The following EXOC2 variants were observed in gnomAD, a reference collection of about 807,000 sequenced individuals.
The protein encoded by EXOC2 is exocyst complex component 2.
EXOC2 carries 70 observed loss-of-function variants against 131.8 expected under a neutral mutation model. The ratio of observed to expected loss-of-function variants is 0.53; its 90% CI spans 0.44 to 0.65. The LOEUF (loss-of-function observed/expected upper bound fraction) is 0.65, where lower values mean the gene tolerates loss of function less well. EXOC2 is among the 30% of genes least tolerant of loss of function. The pLI is 0.00. For missense variants in EXOC2, 923 were observed against 1,108.6 expected, an observed-to-expected ratio of 0.83 and a Z score of 2.38; for synonymous variants, 411 against 398.4, an observed-to-expected ratio of 1.03 and a Z score of -0.38.
intron 3 of EXOC2, among the ~76,000 whole-genome samples, chr6:631,955 AC>A (rs1328516867): frequency 1.3e-5 from 2 of 152,218 alleles, no homozygotes; most frequent in Non-Finnish European, 2.9e-5. Context: ...GATTAAAAAA[AC>A]AATTTGCAAA....
chr6:663,652 T>C (rs1266968704), intron 1 of EXOC2, among the ~76,000 whole-genome samples: 2 of 152,172 alleles, frequency 1.3e-5, no homozygotes, highest in Non-Finnish European at 2.9e-5. Context: ...TCAATAAATA[T>C]GATACACCAC....
rs768077405 is a variant in EXOC2 at position 598,011 on chromosome 6, G to A, written c.1073+10C>T. 2 of 1,598,982 alleles carry A rather than the reference G, an allele frequency of 1.3e-6. No homozygotes were observed. Among genetic ancestry groups the A allele is most frequent in the East Asian group, 4.5e-5 (2 of 44,762 alleles). On this transcript the variant is annotated intron_variant, in intron 10 of 27. Coordinates refer to ENST00000230449, the MANE Select transcript of EXOC2 (RefSeq NM_018303.6). ...CATGTGATTCAACAAAATGTTTGCA[G>A]AAGATTTACCTTATGTAACGTTTTT... is the stretch of plus-strand genomic sequence containing the variant.
chr6:668,836 T>C (rs1004779846), intron 1 of EXOC2, among the ~76,000 whole-genome samples: 4 of 152,258 alleles, frequency 2.6e-5, no homozygotes, highest in African/African-American at 9.6e-5. Context: ...TTACTTATAA[T>C]ACATAATACA....
intron 1 of EXOC2, among the ~76,000 whole-genome samples, chr6:665,649 G>A (rs1763611372): frequency 6.6e-6 from 1 of 152,148 alleles, no homozygotes; most frequent in African/African-American, 2.4e-5. Flanking sequence ...TGAGATTGGA[G>A]ACTATTATTC....
At chr6:583,570 T>A (rs1205530737) in intron 11 of EXOC2, among the ~76,000 whole-genome samples, 1 of 152,238 alleles carries the variant, frequency 6.6e-6, no homozygotes, top group East Asian at 1.9e-4. Flanking sequence ...GATCTACAAA[T>A]GAGTGCTATG....
chr6:575,456 A>ACTCCCTCTCCATCCTCTCCCTTG (rs1758524465), intron 12 of EXOC2, among the ~76,000 whole-genome samples: 7 of 97,688 alleles, frequency 7.2e-5, no homozygotes, highest in Admixed American at 1.2e-4. Flanking sequence ...CCTCTCCCTC[A>ACTCCCTCTCCATCCTCTCCCTTG]CTCCCTCTCC....
intron 7 of EXOC2, among the ~76,000 whole-genome samples, chr6:606,709 T>C (rs1760437019): frequency 6.6e-6 from 1 of 152,244 alleles, no homozygotes; most frequent in Non-Finnish European, 1.5e-5. Context: ...ATCTCATGCT[T>C]TTCTTCACAT....
In EXOC2 at chr6:488,959, G is replaced by C; in HGVS notation, c.2681+20C>G. The C allele has an allele frequency of 6.2e-7, 1 of 1,612,564 alleles. No homozygotes were observed. The highest frequency in any genetic ancestry group is 8.5e-7 in the Non-Finnish European group (1 of 1,179,076). ...TTGAGCACATTCAACTGGCTCCTAAGAACAGCACACAGGACTTACTTTTTA... is the reference window on the plus strand; with the variant it reads ...TTGAGCACATTCAACTGGCTCCTAACAACAGCACACAGGACTTACTTTTTA... On this transcript the variant is annotated intron_variant, in intron 27 of 27. Coordinates refer to ENST00000230449, the MANE Select transcript of EXOC2 (RefSeq NM_018303.6).
chr6:505,551 A>G (rs2127494516), intron 23 of EXOC2, among the ~76,000 whole-genome samples: 1 of 152,348 alleles, frequency 6.6e-6, no homozygotes, highest in Admixed American at 6.5e-5. Context: ...TCCGCCAGAC[A>G]GCAGGCAGCC....
chr6:642,529 TA>T (rs1327723393), intron 1 of EXOC2, among the ~76,000 whole-genome samples: 1 of 152,108 alleles, frequency 6.6e-6, no homozygotes, highest in Non-Finnish European at 1.5e-5. Flanking sequence ...TATCTCTTTA[TA>T]AGCAAATAAG....
At chr6:489,958 G>T (rs1763327184) in intron 26 of EXOC2, among the ~76,000 whole-genome samples, 1 of 152,246 alleles carries the variant, frequency 6.6e-6, no homozygotes, top group African/African-American at 2.4e-5. Flanking sequence ...GCGCGGTGGG[G>T]TGTGGGACGG....
At chr6:497,334 G>T (rs369122262) in intron 25 of EXOC2, 33 bp downstream of exon 25, 1 of 1,597,070 alleles carries the variant, frequency 6.3e-7, no homozygotes, top group African/African-American at 1.3e-5. Context: ...AATAACAACA[G>T]AAGTTCAATA....
At chr6:617,411 G>A (rs1367017115) in intron 6 of EXOC2, among the ~76,000 whole-genome samples, 1 of 152,218 alleles carries the variant, frequency 6.6e-6, no homozygotes, top group Non-Finnish European at 1.5e-5. Context: ...GTAAGATATT[G>A]GTGGTTGTGC....
At position 564,720 on chromosome 6, in the gene EXOC2, A is replaced by G. The variant is rs762574409; in HGVS notation, c.1510-18T>C. 2.5e-6 allele frequency: 4 copies of G among 1,582,926 alleles called. No homozygotes were observed. The highest frequency in any genetic ancestry group is 3.4e-6 in the Non-Finnish European group (4 of 1,163,696). ...ATCATTTTCTAGAAAACCAGGAACA[A>G]GCATAACCGTGTTCAAATGTGATTA... On this transcript the variant is annotated intron_variant, in intron 14 of 27. Coordinates refer to ENST00000230449, the MANE Select transcript of EXOC2 (RefSeq NM_018303.6).
At chr6:631,825 C>T (rs990204278) in intron 3 of EXOC2, among the ~76,000 whole-genome samples, 8 of 151,972 alleles carry the variant, frequency 5.3e-5, no homozygotes, top group African/African-American at 1.9e-4. Flanking sequence ...TACACATGCA[C>T]GTACATGTAC....
chr6:507,358 CCACA>C lies in EXOC2; in HGVS notation c.2381-7662_2381-7659del, dbSNP rs59493114. Among the ~76,000 whole-genome samples the C allele has an allele frequency of 2.4e-4, 31 of 131,386 alleles. 2 individuals carry two copies. Among genetic ancestry groups the C allele is most frequent in the African/African-American group, 7.0e-4 (24 of 34,276 alleles). The allele number at this position is 131,386 out of a possible 152,430, so 86.2% of individuals were successfully genotyped here. A position where few individuals can be genotyped will look rare whatever the true frequency, so the allele number is the denominator to read the frequency against. On this transcript the variant is annotated intron_variant, in intron 23 of 27. Transcript: ENST00000230449. ...CCCCACACACACCACAGCAGTGACCCCACACACACACACACACACACAGAGTGCT... is the reference window on the plus strand; with the variant it reads ...CCCCACACACACCACAGCAGTGACCCCACACACACACACACACAGAGTGCT...
chr6:656,871 C>T, intron 1 of EXOC2: 1 of 1,606,598 alleles, frequency 6.2e-7, no homozygotes, highest in Non-Finnish European at 8.5e-7. Context: ...CTTCGCTAGC[C>T]TCGCGACGGT....
intron 4 of EXOC2, among the ~76,000 whole-genome samples, chr6:628,220 G>A (rs1368682972): frequency 2.0e-5 from 3 of 152,200 alleles, no homozygotes; most frequent in African/African-American, 7.2e-5. Flanking sequence ...TTGCTAGTAA[G>A]TGGCACAGCC....
intron 2 of EXOC2, among the ~76,000 whole-genome samples, chr6:634,471 T>C (rs1365205116): frequency 6.6e-6 from 1 of 152,214 alleles, no homozygotes; most frequent in Non-Finnish European, 1.5e-5. Context: ...TTCGGCTTTT[T>C]TTCAGATACC....
Sources: gnomAD v4.1 joint callset for allele counts (sites outside exome capture counted in the v4.1 genomes callset) on GRCh38, gnomAD v4.1.1 for gene constraint, MANE v1.5 for transcripts, NCBI Gene and HGNC (gene_info 2026-07-23, HGNC 2026-07-21) for gene names.